SLC35E4: variants seen among roughly 807,000 people sequenced by gnomAD.
SLC35E4 encodes the protein solute carrier family 35, member E4.
In SLC35E4, 15 loss-of-function variants were observed where a neutral mutation model predicts 19.3. The ratio of observed to expected loss-of-function variants is 0.78; its 90% CI spans 0.52 to 1.20. The LOEUF is 1.20. SLC35E4 is among the 50% of genes most tolerant of loss of function. The pLI is 0.00. For missense variants in SLC35E4, 406 were observed against 472.3 expected (o/e 0.86, Z 1.30); for synonymous variants, 219 against 219.9 (o/e 1.00, Z 0.04).
downstream of SLC35E4, chr22:30,667,625 T>G (rs898789741): frequency 2.0e-5 from 3 of 152,568 alleles, no homozygotes; most frequent in African/African-American, 7.2e-5. Context: ...CAGAAAGGAA[T>G]AGCCTGTGCC....
chr22:30,648,443 G>A (rs2088166815), downstream of SLC35E4, among the ~76,000 whole-genome samples: 1 of 152,082 alleles, frequency 6.6e-6, no homozygotes, highest in South Asian at 2.1e-4. Context: ...ACCCAAACAT[G>A]CAACTCTTTT....
At chr22:30,643,024 C>G (rs142760971) in intron 1 of SLC35E4, among the ~76,000 whole-genome samples, 1 of 146,190 alleles carries the variant, frequency 6.8e-6, no homozygotes, top group African/African-American at 2.5e-5. Flanking sequence ...AGTGAGACTC[C>G]GTCTCAAAAA....
downstream of SLC35E4, chr22:30,652,314 G>C (rs1442846074): frequency 6.6e-6 from 1 of 152,180 alleles, no homozygotes; most frequent in Non-Finnish European, 1.5e-5. Context: ...AATATCACAA[G>C]CACTGATCTT....
At chr22:30,646,472 A>G (rs1602079358) in intron 1 of SLC35E4, 126 bp from the exon 2 acceptor site, 1 of 1,106,012 alleles carries the variant, frequency 9.0e-7, no homozygotes, top group Non-Finnish European at 1.3e-6. Context: ...GTTTCAGATC[A>G]GGAGCCACTA....
chr22:30,658,603 C>T (rs2088394892), intron 2 of SLC35E4, among the ~76,000 whole-genome samples: 1 of 151,860 alleles, frequency 6.6e-6, no homozygotes, highest in South Asian at 2.1e-4. Context: ...CTAAAGGACC[C>T]AATTTCTAGC....
At position 30,647,214 on chromosome 22, in the gene SLC35E4, A is replaced by G; in HGVS notation, c.*183A>G. The G allele has an allele frequency of 1.4e-6, 1 of 703,570 alleles. No homozygotes were observed. Among genetic ancestry groups the G allele is most frequent in the Non-Finnish European group, 2.3e-6 (1 of 438,754 alleles). 43.6% of individuals were successfully genotyped at this position (703,570 alleles called of 1,614,324 possible). A position where few individuals can be genotyped will look rare whatever the true frequency, so the allele number is the denominator to read the frequency against. ...GGAGTTCGAGACCAGCCTGGCTAAC[A>G]TGGCAAAACCTCATCTCTACTAAAA... On this transcript the variant is annotated 3_prime_UTR_variant, in exon 2 of 2. Transcript: ENST00000343605.
At position 30,646,671 on chromosome 22, in the gene SLC35E4, G is replaced by A. The variant is rs1209282392; in HGVS notation, c.693G>A (p.Leu231=). ...LYATSLPSFC[L]LAGAALVLEA... ...CCACCTCGCTGCCCAGCTTCTGCCT[G>A]CTGGCGGGTGCAGCCCTGGTGCTGG... is the stretch of plus-strand genomic sequence containing the variant. Residue 231 remains leucine, a synonymous_variant, in exon 2 of 2, where the codon CTG becomes CTA. Coordinates refer to ENST00000343605, the MANE Select transcript of SLC35E4 (RefSeq NM_001001479.4). The A allele has an allele frequency of 1.9e-6, 3 of 1,610,732 alleles. No homozygotes were observed. Among genetic ancestry groups the A allele is most frequent in the Admixed American group, 1.7e-5 (1 of 59,980 alleles).
chr22:30,658,501 G>A (rs2088393090), intron 2 of SLC35E4, among the ~76,000 whole-genome samples: 1 of 151,846 alleles, frequency 6.6e-6, no homozygotes, highest in South Asian at 2.1e-4. Context: ...AAAAGTAGAA[G>A]AGGGGAATCT....
chr22:30,651,414 TATATATATATATA>T (rs1569061944), downstream of SLC35E4, among the ~76,000 whole-genome samples: 2 of 79,852 alleles, frequency 2.5e-5, no homozygotes, highest in African/African-American at 5.8e-5. Flanking sequence ...TATATATATA[TATATATATATATA>T]TTTTTTTTTT....
downstream of SLC35E4, among the ~76,000 whole-genome samples, chr22:30,666,423 C>G (rs1436943363): frequency 6.6e-6 from 1 of 151,976 alleles, no homozygotes; most frequent in African/African-American, 2.4e-5. Context: ...GAGTTCAAGA[C>G]CAGCCTGACC....
chr22:30,640,567 G>T (rs1036606290), intron 1 of SLC35E4, among the ~76,000 whole-genome samples: 3 of 152,138 alleles, frequency 2.0e-5, no homozygotes, highest in Non-Finnish European at 2.9e-5. Flanking sequence ...GAGGGCGAAG[G>T]CTGGCTTCCT....
chr22:30,661,278 A>C (rs2088458608), intron 2 of SLC35E4, among the ~76,000 whole-genome samples: 1 of 152,108 alleles, frequency 6.6e-6, no homozygotes, highest in South Asian at 2.1e-4. Flanking sequence ...AAAATCTAAA[A>C]CTTTTTGAGA....
chr22:30,654,991 A>C (rs1172577608), intron 2 of SLC35E4, among the ~76,000 whole-genome samples: 1 of 152,208 alleles, frequency 6.6e-6, no homozygotes, highest in Non-Finnish European at 1.5e-5. Context: ...AAGAATAGAA[A>C]GAACCAAGAC....
At chr22:30,655,958 C>A (rs2088331051) in intron 2 of SLC35E4, among the ~76,000 whole-genome samples, 1 of 150,938 alleles carries the variant, frequency 6.6e-6, no homozygotes, top group Non-Finnish European at 1.5e-5. Flanking sequence ...TATTTTCATT[C>A]ATTTATTGAG....
rs535678554 is a variant in SLC35E4, at chr22:30,658,802, G to C, written c.*9-3258G>C. On this transcript the variant is annotated intron_variant, in intron 2 of 2. Coordinates refer to the SLC35E4 transcript ENST00000406566. ...CACCCAGGTTTCAGACTGCTCACTGGGGGGCATAAGCTTAGGACTGTTCTG... is the reference window on the plus strand; with the variant it reads ...CACCCAGGTTTCAGACTGCTCACTGCGGGGCATAAGCTTAGGACTGTTCTG... Among the ~76,000 whole-genome samples the C allele has an allele frequency of 1.8e-4, 27 of 152,216 alleles. No individual in the cohort carries two copies. In the South Asian group the frequency reaches 4.8e-3, roughly 27 times the overall value.
At position 30,637,274 on chromosome 22, in the gene SLC35E4, T is replaced by A. The variant is rs116877495; in HGVS notation, c.619+205T>A. 5.5e-4 allele frequency among the ~76,000 whole-genome samples: 84 copies of A among 152,296 alleles called. 2 individuals are homozygous for A. In the East Asian group the frequency reaches 0.016, roughly 29 times the overall value. ...CAGACTCAGGCTCTGGAGGCCCAAC[T>A]CGTGTTTATTTGTTTATTTACTTAT... On this transcript the variant is annotated intron_variant, in intron 1 of 1. Coordinates refer to ENST00000343605, the MANE Select transcript of SLC35E4 (RefSeq NM_001001479.4).
At position 30,636,463 on chromosome 22, in the gene SLC35E4, C is replaced by G; in HGVS notation, c.13C>G (p.Pro5Ala). The G allele has an allele frequency of 6.7e-7, 1 of 1,491,072 alleles. No individual in the cohort carries two copies. The allele number at this position is 1,491,072 out of a possible 1,614,324, so 92.4% of individuals were successfully genotyped here. Residue 5 changes from proline (P) to alanine (A), a missense_variant, in exon 1 of 2, where the codon CCG becomes GCG. Coordinates refer to ENST00000343605, the MANE Select transcript of SLC35E4 (RefSeq NM_001001479.4). MCRC[P>A]PEHHDGRMTS... The stretch of plus-strand genomic sequence containing the variant: ...CTCACTGGTGCGGATGTGCCGCTGC[C>G]CGCCGGAGCACCATGATGGCAGGAT...
intron 2 of SLC35E4, among the ~76,000 whole-genome samples, chr22:30,655,935 C>CTT (rs112567452): frequency 0.016 from 2,351 of 147,494 alleles, 66 homozygotes; most frequent in African/African-American, 0.057. Context: ...ATTCTTAGGA[C>CTT]TTTTTTTTTT....
exon 3 of SLC35E4, chr22:30,668,512 G>A (rs1457462864): frequency 6.6e-6 from 1 of 152,442 alleles, no homozygotes; most frequent in African/African-American, 2.4e-5. Flanking sequence ...TGGACTCCCG[G>A]GAGAACCTGG....
Sources: allele counts gnomAD v4.1 joint callset (sites outside exome capture counted in the v4.1 genomes callset), GRCh38; gene constraint gnomAD v4.1.1; transcripts MANE v1.5; gene names NCBI Gene and HGNC (gene_info 2026-07-23, HGNC 2026-07-21).